The following LOC400499 variants were observed in gnomAD, a reference collection of about 807,000 sequenced individuals.
At chr16:11,488,733 A>G in the LOC400499 span, 3 of 398,972 alleles carry the variant, frequency 7.5e-6, no homozygotes, top group Non-Finnish European at 1.3e-5. Context: ...ACATCAGAAT[A>G]GGACGAGTGT....
At chr16:11,431,554 C>A in the LOC400499 span, among the ~76,000 whole-genome samples, 3 of 152,128 alleles carry the variant, frequency 2.0e-5, no homozygotes, top group African/African-American at 7.2e-5. Flanking sequence ...TACAGGGACC[C>A]ACCACAACAG....
chr16:11,380,539 G>T, the LOC400499 span, among the ~76,000 whole-genome samples: 1 of 152,082 alleles, frequency 6.6e-6, no homozygotes, highest in Non-Finnish European at 1.5e-5. Context: ...AAAAAAATAA[G>T]AATAATAAGT....
the LOC400499 span, among the ~76,000 whole-genome samples, chr16:11,423,702 C>G: frequency 6.6e-6 from 1 of 152,342 alleles, no homozygotes; most frequent in Non-Finnish European, 1.5e-5. Context: ...TCCTGCTTTT[C>G]ATTTCTGAGA....
At chr16:11,428,296 T>C in the LOC400499 span, among the ~76,000 whole-genome samples, 3 of 152,114 alleles carry the variant, frequency 2.0e-5, no homozygotes, top group African/African-American at 7.2e-5. Flanking sequence ...TTGAGCTTCC[T>C]GAGTAGCTGG....
chr16:11,479,133 G>C, the LOC400499 span, among the ~76,000 whole-genome samples: 1 of 152,152 alleles, frequency 6.6e-6, no homozygotes, highest in African/African-American at 2.4e-5. Flanking sequence ...GGAGGGGGAA[G>C]GGGTGGCTGA....
chr16:11,472,048 C>T, the LOC400499 span: 13 of 382,240 alleles, frequency 3.4e-5, no homozygotes, highest in African/African-American at 1.0e-4. Flanking sequence ...CTGTCCTGTG[C>T]ATTATGGGAT....
the LOC400499 span, chr16:11,431,134 A>G: frequency 7.5e-6 from 3 of 398,914 alleles, no homozygotes; most frequent in East Asian, 3.6e-5. Context: ...TTGGCTCTGG[A>G]AAGTCAGGAT....
chr16:11,456,148 G>C, the LOC400499 span, among the ~76,000 whole-genome samples: 1 of 151,600 alleles, frequency 6.6e-6, no homozygotes, highest in African/African-American at 2.4e-5. Context: ...GGGTTCAAGC[G>C]ATCCTCCTGC....
chr16:11,379,753 T>C, the LOC400499 span, among the ~76,000 whole-genome samples: 1 of 152,234 alleles, frequency 6.6e-6, no homozygotes, highest in East Asian at 1.9e-4. Flanking sequence ...ATTTCGTCCC[T>C]TTGTGTTTAA....
chr16:11,500,131 C>T, the LOC400499 span, among the ~76,000 whole-genome samples: 1 of 152,310 alleles, frequency 6.6e-6, no homozygotes, highest in South Asian at 2.1e-4. Context: ...TAGTGCCAGA[C>T]ACCAGGAGAA....
At chr16:11,520,634 G>A in the LOC400499 span, among the ~76,000 whole-genome samples, 26 of 136,644 alleles carry the variant, frequency 1.9e-4, no homozygotes, top group African/African-American at 6.8e-4. Flanking sequence ...GCTATTGCAC[G>A]CCAGCCTGGG....
At chr16:11,455,320 G>T in the LOC400499 span, among the ~76,000 whole-genome samples, 1 of 152,104 alleles carries the variant, frequency 6.6e-6, no homozygotes, top group East Asian at 1.9e-4. Flanking sequence ...AGAAACCTAT[G>T]GAGAAGGCCT....
the LOC400499 span, among the ~76,000 whole-genome samples, chr16:11,412,547 C>A: frequency 2.0e-5 from 3 of 152,242 alleles, no homozygotes; most frequent in Admixed American, 1.3e-4. Flanking sequence ...CCAAGCGCCT[C>A]ACCAGGCCCC....
At chr16:11,486,010 G>C in the LOC400499 span, among the ~76,000 whole-genome samples, 1 of 152,182 alleles carries the variant, frequency 6.6e-6, no homozygotes, top group African/African-American at 2.4e-5. Flanking sequence ...TGAATGGATG[G>C]ATGGGTGGGT....
At chr16:11,504,914 C>T in the LOC400499 span, among the ~76,000 whole-genome samples, 3 of 151,852 alleles carry the variant, frequency 2.0e-5, no homozygotes, top group African/African-American at 7.3e-5. Flanking sequence ...AAGAGCAAGA[C>T]CCTGTCTCGA....
the LOC400499 span, among the ~76,000 whole-genome samples, chr16:11,487,718 G>C: frequency 6.6e-6 from 1 of 151,560 alleles, no homozygotes; most frequent in South Asian, 2.1e-4. Flanking sequence ...TTACAACAAA[G>C]AGGCAGTCTC....
chr16:11,452,707 T>C, the LOC400499 span, among the ~76,000 whole-genome samples: 1 of 152,228 alleles, frequency 6.6e-6, no homozygotes, highest in Admixed American at 6.5e-5. Flanking sequence ...CCTGGGCCTC[T>C]GGGTGGCCTC....
At chr16:11,492,199 T>C in the LOC400499 span, among the ~76,000 whole-genome samples, 1 of 152,016 alleles carries the variant, frequency 6.6e-6, no homozygotes. Context: ...TCCTAAGCAA[T>C]TCACCTCCCC....
the LOC400499 span, among the ~76,000 whole-genome samples, chr16:11,497,213 C>G: frequency 6.6e-6 from 1 of 152,124 alleles, no homozygotes; most frequent in East Asian, 1.9e-4. Flanking sequence ...GGGTTGTGTC[C>G]CATGTGTGTA....
Sources: allele counts gnomAD v4.1 joint callset (sites outside exome capture counted in the v4.1 genomes callset), GRCh38; gene constraint gnomAD v4.1.1; transcripts MANE v1.5.